HS2ST1: variants seen among roughly 807,000 people sequenced by gnomAD.
The protein encoded by HS2ST1 is 2-O-sulfotransferase.
In HS2ST1, 18 loss-of-function variants were observed where a neutral mutation model predicts 42.9. The observed-to-expected ratio is 0.42, with a 90% CI of 0.29 to 0.62. The LOEUF (loss-of-function observed/expected upper bound fraction) is 0.62. HS2ST1 is among the 20% of genes least tolerant of loss of function. HS2ST1 has a pLI of 0.21. For missense variants in HS2ST1, 334 were observed against 433.8 expected (o/e 0.77, Z 2.04); for synonymous variants, 146 against 152.9 (o/e 0.95, Z 0.33).
chr1:87,045,495 G>A (rs1650629473), intron 1 of HS2ST1: 15 of 917,738 alleles, frequency 1.6e-5, no homozygotes, highest in Non-Finnish European at 2.6e-5. Context: ...ACATTCAGCC[G>A]TACAGTCACC....
At chr1:86,990,822 ATATATATATATATATTTTT>A (rs1225696072) in intron 1 of HS2ST1, among the ~76,000 whole-genome samples, 72 of 16,142 alleles carry the variant, frequency 4.5e-3, no homozygotes, top group African/African-American at 6.6e-3. Context: ...TTATATATAT[ATATATATATATATATTTTT>A]TTTTTTTTTT....
intron 1 of HS2ST1, among the ~76,000 whole-genome samples, chr1:86,992,524 G>A (rs1176096983): frequency 1.3e-5 from 2 of 151,724 alleles, no homozygotes; most frequent in East Asian, 1.9e-4. Flanking sequence ...GCGCCACCAC[G>A]CCTGGCTAAT....
intron 4 of HS2ST1, among the ~76,000 whole-genome samples, chr1:87,094,368 C>G (rs964915410): frequency 1.3e-4 from 19 of 151,992 alleles, no homozygotes; most frequent in Admixed American, 2.6e-4. Context: ...AATAATAGCT[C>G]ACATTTACTG....
At chr1:86,936,971 GTT>G (rs1660668529) in intron 1 of HS2ST1, among the ~76,000 whole-genome samples, 1 of 150,994 alleles carries the variant, frequency 6.6e-6, no homozygotes, top group South Asian at 2.1e-4. Context: ...CGGGCATGGT[GTT>G]GCATGCCTGT....
At chr1:86,964,296 G>C (rs1014981629) in intron 1 of HS2ST1, among the ~76,000 whole-genome samples, 58 of 152,344 alleles carry the variant, frequency 3.8e-4, no homozygotes, top group African/African-American at 1.1e-3. Context: ...CGGCTGGGAG[G>C]TGGAGGTTGT....
intron 1 of HS2ST1, chr1:86,934,263 G>A (rs1243123213): frequency 2.0e-5 from 3 of 152,186 alleles, no homozygotes; most frequent in Non-Finnish European, 4.4e-5. Context: ...TTGTTATTGA[G>A]AACAGAGATC....
intron 3 of HS2ST1, among the ~76,000 whole-genome samples, chr1:87,090,484 T>C (rs1168903708): frequency 6.6e-6 from 1 of 152,008 alleles, no homozygotes; most frequent in Non-Finnish European, 1.5e-5. Flanking sequence ...ACTAGTAGGA[T>C]AAGCTAAGAG....
chr1:86,939,661 G>T (rs1324145545), intron 1 of HS2ST1, among the ~76,000 whole-genome samples: 1 of 152,176 alleles, frequency 6.6e-6, no homozygotes, highest in Non-Finnish European at 1.5e-5. Context: ...CTGCGCCTCA[G>T]TTCCTATGTG....
chr1:87,075,946 A>G (rs1651532852), intron 2 of HS2ST1, among the ~76,000 whole-genome samples: 1 of 152,312 alleles, frequency 6.6e-6, no homozygotes, highest in Admixed American at 6.5e-5. Flanking sequence ...TTGGGGAAAT[A>G]ACAAAGAAAT....
intron 2 of HS2ST1, among the ~76,000 whole-genome samples, chr1:87,079,534 A>G (rs1160469293): frequency 6.6e-6 from 1 of 152,198 alleles, no homozygotes; most frequent in Non-Finnish European, 1.5e-5. Flanking sequence ...TCTTCGTCAT[A>G]AAGAGAAGGT....
intron 1 of HS2ST1, among the ~76,000 whole-genome samples, chr1:86,975,787 T>C (rs907670714): frequency 6.6e-6 from 1 of 152,214 alleles, no homozygotes; most frequent in Non-Finnish European, 1.5e-5. Context: ...GCATTATCAA[T>C]GGAAAAGTTT....
chr1:86,973,284 T>C (rs2102211800), intron 1 of HS2ST1, among the ~76,000 whole-genome samples: 1 of 152,208 alleles, frequency 6.6e-6, no homozygotes. Context: ...AAAATCAATC[T>C]TTCCTTTTTT....
chr1:86,991,621 A>T (rs1648954748), intron 1 of HS2ST1, among the ~76,000 whole-genome samples: 1 of 152,236 alleles, frequency 6.6e-6, no homozygotes, highest in African/African-American at 2.4e-5. Context: ...ATTTAACAAC[A>T]TAAAGAGCTT....
At chr1:87,003,186 T>G (rs1392076929) in intron 1 of HS2ST1, among the ~76,000 whole-genome samples, 4 of 152,236 alleles carry the variant, frequency 2.6e-5, no homozygotes, top group Non-Finnish European at 5.9e-5. Flanking sequence ...AACCCTTGAC[T>G]GGCTGTGATT....
At chr1:86,925,477 G>A (rs1191191927) in intron 1 of HS2ST1, among the ~76,000 whole-genome samples, 2 of 152,282 alleles carry the variant, frequency 1.3e-5, no homozygotes, top group Middle Eastern at 3.4e-3. Context: ...ACTAAAAGAC[G>A]TTTAATAGTT....
chr1:86,959,518 C>T (rs1647766116), intron 1 of HS2ST1, among the ~76,000 whole-genome samples: 2 of 152,008 alleles, frequency 1.3e-5, no homozygotes, highest in South Asian at 2.1e-4. Context: ...ATCAGCTGGG[C>T]GTGGTGGTGC....
chr1:87,104,697 G>C lies in HS2ST1; in HGVS notation c.*1G>C, dbSNP rs574068638. 1.9e-6 allele frequency: 3 copies of C among 1,564,440 alleles called. No homozygotes were observed. The highest frequency in any genetic ancestry group is 2.7e-5 in the African/African-American group (2 of 74,024). On this transcript the variant is annotated 3_prime_UTR_variant, in exon 7 of 7. Transcript: ENST00000370550. ...AAAGATTTACCCTAAGTCGAACTGA[G>C]TATAAGGTGTGACTATTGGATTCTT... is the stretch of plus-strand genomic sequence containing the variant.
At chr1:87,072,785 T>C in intron 1 of HS2ST1, 149 bp from the exon 2 acceptor site, 1 of 628,792 alleles carries the variant, frequency 1.6e-6, no homozygotes, top group Non-Finnish European at 2.8e-6. Flanking sequence ...ACCCAAGCAA[T>C]TTACCCATGT....
chr1:87,009,616 T>A (rs1649538269), intron 1 of HS2ST1, among the ~76,000 whole-genome samples: 1 of 152,200 alleles, frequency 6.6e-6, no homozygotes, highest in South Asian at 2.1e-4. Flanking sequence ...AAAATTTTAG[T>A]GGCTTATTTG....
Sources: gnomAD v4.1 joint callset for allele counts (sites outside exome capture counted in the v4.1 genomes callset) on GRCh38, gnomAD v4.1.1 for gene constraint, MANE v1.5 for transcripts, NCBI Gene and HGNC (gene_info 2026-07-23, HGNC 2026-07-21) for gene names.